CD226: variants seen among roughly 807,000 people sequenced by gnomAD.
The protein encoded by CD226 is CD226 molecule.
In CD226, 24 loss-of-function variants were observed where a neutral mutation model predicts 34.9. The ratio of observed to expected loss-of-function variants is 0.69; its 90% confidence interval spans 0.50 to 0.97. The LOEUF is 0.97. Ranked by LOEUF, CD226 falls within the 50% of genes least tolerant of loss-of-function variation. CD226 has a pLI of 0.00. For synonymous variants in CD226, 148 were observed against 147.4 expected, an observed-to-expected ratio of 1.00 and a Z score of -0.03; for missense variants, 397 against 412.7, an observed-to-expected ratio of 0.96 and a Z score of 0.33.
chr18:69,958,951 T>C (rs2145393350), upstream of CD226, among the ~76,000 whole-genome samples: 1 of 152,258 alleles, frequency 6.6e-6, no homozygotes, highest in Admixed American at 6.5e-5. Context: ...TCTGTAGAGG[T>C]TTATCCTCTC....
chr18:69,955,862 C>CA (rs10659184), intron 1 of CD226, among the ~76,000 whole-genome samples: 5,717 of 83,174 alleles, frequency 0.069, 729 homozygotes, highest in African/African-American at 0.25. Flanking sequence ...GACTCCATCT[C>CA]AAAAAAAAAA....
At chr18:69,961,297 C>A (rs1369097379), upstream of CD226, among the ~76,000 whole-genome samples, 1 of 152,118 alleles carries the variant, frequency 6.6e-6, no homozygotes, top group Non-Finnish European at 1.5e-5. Context: ...GTCCTATGCT[C>A]CTCTATGGCA....
intron 3 of CD226, among the ~76,000 whole-genome samples, chr18:69,893,833 A>G (rs1378311492): frequency 6.6e-6 from 1 of 152,232 alleles, no homozygotes; most frequent in African/African-American, 2.4e-5. Context: ...GTGATTGTGT[A>G]TGAAAAGATG....
chr18:69,921,632 G>A (rs557408730), intron 2 of CD226, among the ~76,000 whole-genome samples: 1 of 152,252 alleles, frequency 6.6e-6, no homozygotes, highest in Admixed American at 6.5e-5. Context: ...GACCCATGAG[G>A]CCCTTCGTGG....
chr18:69,890,936 C>CT (rs1404127297), intron 3 of CD226, among the ~76,000 whole-genome samples: 8 of 144,254 alleles, frequency 5.5e-5, no homozygotes, highest in African/African-American at 1.6e-4. Flanking sequence ...TGATTTAATT[C>CT]TTTTTTAAAA....
rs1385051748 is a variant in CD226 at position 69,924,702 on chromosome 18, A to AAAAAAAAG, written c.382+22031_382+22032insCTTTTTTT. Among the ~76,000 whole-genome samples, 2 of 150,080 alleles carry AAAAAAAAG rather than the reference A, an allele frequency of 1.3e-5. 1 individual carries two copies. Among genetic ancestry groups the AAAAAAAAG allele is most frequent in the East Asian group, 3.9e-4 (2 of 5,184 alleles). ...GGATGAAGGTATTGCCAAAAAAAAA[A>AAAAAAAAG]AAAAAAAAAAGAATCATTCAAACTG... On this transcript the variant is annotated intron_variant, in intron 2 of 5. Coordinates refer to ENST00000582621, the MANE Select transcript of CD226 (RefSeq NM_001303618.2).
intron 2 of CD226, among the ~76,000 whole-genome samples, chr18:69,936,567 A>T (rs571397770): frequency 3.7e-4 from 57 of 152,274 alleles, no homozygotes; most frequent in African/African-American, 1.4e-3. Context: ...TATAGGTACC[A>T]TTTAGTATTT....
intron 2 of CD226, among the ~76,000 whole-genome samples, chr18:69,939,470 T>C (rs1278865188): frequency 6.6e-6 from 1 of 152,210 alleles, no homozygotes; most frequent in Non-Finnish European, 1.5e-5. Context: ...AGTATCCTAA[T>C]GTGTGAATAG....
chr18:69,874,723 T>C (rs1354688060), intron 3 of CD226, among the ~76,000 whole-genome samples: 4 of 152,240 alleles, frequency 2.6e-5, no homozygotes, highest in Non-Finnish European at 5.9e-5. Context: ...GACCCACTTA[T>C]TCTTTCACAA....
intron 2 of CD226, among the ~76,000 whole-genome samples, chr18:69,931,272 AC>A (rs2055586334): frequency 6.6e-6 from 1 of 152,078 alleles, no homozygotes; most frequent in Non-Finnish European, 1.5e-5. Context: ...TAGGAGATAT[AC>A]CTAATGCTAA....
chr18:69,924,822 A>G (rs911549965), intron 2 of CD226, among the ~76,000 whole-genome samples: 2 of 152,120 alleles, frequency 1.3e-5, no homozygotes, highest in Non-Finnish European at 2.9e-5. Context: ...AAATGCTGAG[A>G]AGTTTTTCAG....
intron 3 of CD226, among the ~76,000 whole-genome samples, chr18:69,892,922 C>T (rs1984993145): frequency 6.6e-6 from 1 of 152,154 alleles, no homozygotes; most frequent in African/African-American, 2.4e-5. Context: ...TTTCCCTTGG[C>T]AGTTGAAATA....
chr18:69,911,633 T>A (rs2055326435), intron 2 of CD226, among the ~76,000 whole-genome samples: 1 of 152,146 alleles, frequency 6.6e-6, no homozygotes, highest in African/African-American at 2.4e-5. Flanking sequence ...AATACCCAAT[T>A]CACTCAAAAT....
chr18:69,900,510 A>G (rs1273182707), intron 2 of CD226, among the ~76,000 whole-genome samples: 1 of 151,976 alleles, frequency 6.6e-6, no homozygotes, highest in African/African-American at 2.4e-5. Flanking sequence ...AGGCGGGCGG[A>G]TCACGAGGTC....
intron 3 of CD226, among the ~76,000 whole-genome samples, chr18:69,884,262 G>C (rs1254549096): frequency 6.6e-6 from 1 of 152,070 alleles, no homozygotes; most frequent in African/African-American, 2.4e-5. Flanking sequence ...TCCTAGGCCT[G>C]GGAACAAGTC....
rs1982739615 is a variant in CD226 at position 69,860,113 on chromosome 18, T to G, written c.*4201A>C. Reference sequence around the variant, plus strand: ...AAATAAAATACAAAGAACATTGCATTGAGATAAAAATTACAATGTATCATT... The same window carrying G: ...AAATAAAATACAAAGAACATTGCATGGAGATAAAAATTACAATGTATCATT... On this transcript the variant is annotated 3_prime_UTR_variant, in exon 6 of 6. Coordinates refer to ENST00000582621, the MANE Select transcript of CD226 (RefSeq NM_001303618.2). The G allele has an allele frequency of 6.6e-6, 1 of 152,172 alleles. No homozygotes were observed. Among genetic ancestry groups the G allele is most frequent in the Non-Finnish European group, 1.5e-5 (1 of 68,018 alleles). 9.4% of individuals were successfully genotyped at this position (152,172 alleles called of 1,614,324 possible).
intron 2 of CD226, among the ~76,000 whole-genome samples, chr18:69,920,545 A>G (rs77902073): frequency 0.042 from 6,426 of 152,264 alleles, 474 homozygotes; most frequent in African/African-American, 0.15. Context: ...CTTTATACCC[A>G]GTAGTACTTA....
rs1267503338 is a variant in CD226, at chr18:69,880,347, A to AG, written c.728-7102dup. Among the ~76,000 whole-genome samples, 66 of 81,680 alleles carry AG rather than the reference A, an allele frequency of 8.1e-4. 1 individual carries two copies. The highest frequency in any genetic ancestry group is 1.8e-3 in the East Asian group (2 of 1,132). The allele number at this position is 81,680 out of a possible 152,430, so 53.6% of individuals were successfully genotyped here. On this transcript the variant is annotated intron_variant, in intron 3 of 5. Transcript: ENST00000582621. ...AAGAAAGAGAGAAAGAAAGAAAGAAAGAAAGAAAGAAAGGAAGGAAGGAAG... is the reference window on the plus strand; with the variant it reads ...AAGAAAGAGAGAAAGAAAGAAAGAAAGGAAAGAAAGAAAGGAAGGAAGGAAG...
rs927836524 is a variant in CD226 at position 69,894,930 on chromosome 18, C to CA, written c.727+770dup. On this transcript the variant is annotated intron_variant, in intron 3 of 5. Transcript: ENST00000582621. ...AACACAATGAAAGGCTTCATTGTGACAAAAAAAAGACAAATGCCTAATATA... is the reference window on the plus strand; with the variant it reads ...AACACAATGAAAGGCTTCATTGTGACAAAAAAAAAGACAAATGCCTAATATA... 5.3e-5 allele frequency among the ~76,000 whole-genome samples: 8 copies of CA among 151,286 alleles called. No individual in the cohort carries two copies. The East Asian group carries it at 5.8e-4, about 11-fold the overall frequency.
Sources: allele counts gnomAD v4.1 joint callset (sites outside exome capture counted in the v4.1 genomes callset), GRCh38; gene constraint gnomAD v4.1.1; transcripts MANE v1.5; gene names NCBI Gene and HGNC (gene_info 2026-07-23, HGNC 2026-07-21).